Variants in APTX observed in about 807,000 individuals in gnomAD.
APTX encodes aprataxin, also known as forkhead-associated domain histidine triad-like protein.
A neutral mutation model predicts 42.3 loss-of-function variants in APTX; 33 were observed. The observed-to-expected ratio is 0.78, with a 90% CI of 0.59 to 1.04. APTX has a LOEUF of 1.04. Among genes scored for constraint, APTX ranks in the 50% least tolerant of loss-of-function variants. The pLI, the probability that APTX is intolerant of heterozygous loss-of-function variation, is 0.00. For synonymous variants in APTX, 130 were observed against 146.7 expected, an observed-to-expected ratio of 0.89 and a Z score of 0.82; for missense variants, 421 against 415.1, an observed-to-expected ratio of 1.01 and a Z score of -0.12.
chr9:32,975,957 T>C (rs1432755711), intron 6 of APTX, among the ~76,000 whole-genome samples: 1 of 152,160 alleles, frequency 6.6e-6, no homozygotes. Context: ...CACAATAAAA[T>C]GTAGACTGCA....
chr9:32,995,722 C>T (rs1320324217), intron 1 of APTX, among the ~76,000 whole-genome samples: 1 of 151,984 alleles, frequency 6.6e-6, no homozygotes, highest in Admixed American at 6.6e-5. Flanking sequence ...CCAGTCTCTA[C>T]TAAAAATACA....
chr9:32,991,921 G>A (rs568245045), intron 1 of APTX, among the ~76,000 whole-genome samples: 1 of 152,188 alleles, frequency 6.6e-6, no homozygotes, highest in South Asian at 2.1e-4. Context: ...ATATTGAAAT[G>A]TAATTATTTT....
intron 1 of APTX, among the ~76,000 whole-genome samples, chr9:33,011,210 C>A (rs1289537768): frequency 6.6e-6 from 1 of 151,706 alleles, no homozygotes; most frequent in African/African-American, 2.4e-5. Flanking sequence ...GAGCACAGAC[C>A]TGAAAGAAGA....
chr9:32,982,158 A>G (rs1295527986), intron 6 of APTX, among the ~76,000 whole-genome samples: 1 of 152,172 alleles, frequency 6.6e-6, no homozygotes, highest in East Asian at 1.9e-4. Context: ...GTGATTAAAA[A>G]AATGCATAAC....
intron 5 of APTX, 53 bp downstream of exon 5, chr9:32,985,918 G>C (rs373593633): frequency 8.4e-5 from 119 of 1,424,266 alleles, no homozygotes; most frequent in Admixed American, 5.2e-4. Flanking sequence ...GACCTCTGTG[G>C]AGTGGTCATT....
chr9:33,016,481 A>G (rs1837908657), intron 1 of APTX, among the ~76,000 whole-genome samples: 1 of 152,242 alleles, frequency 6.6e-6, no homozygotes, highest in African/African-American at 2.4e-5. Flanking sequence ...CTTCGGTAGT[A>G]TAAAACATTA....
intron 1 of APTX, among the ~76,000 whole-genome samples, chr9:33,014,226 A>C (rs1211927563): frequency 6.6e-6 from 1 of 150,966 alleles, no homozygotes; most frequent in African/African-American, 2.4e-5. Context: ...AGGTTACCTG[A>C]GGACTGACCT....
chr9:32,990,937 T>C (rs1282052107), intron 1 of APTX, among the ~76,000 whole-genome samples: 2 of 152,180 alleles, frequency 1.3e-5, no homozygotes, highest in Non-Finnish European at 2.9e-5. Context: ...TACTTTTTTT[T>C]TTTTCTGAGA....
rs758243711 is a variant in APTX at position 32,974,441 on chromosome 9, C to G, written c.874+17G>C. 1.7e-5 allele frequency: 24 copies of G among 1,442,074 alleles called. No individual in the cohort carries two copies. The Admixed American group carries it at 3.4e-4, about 20-fold the overall frequency. 89.3% of individuals were successfully genotyped at this position (1,442,074 alleles called of 1,614,324 possible). On this transcript the variant is annotated intron_variant, in intron 7 of 7. Transcript: ENST00000379817. ...CAGAAAATGAAACAAATGTGAAAAC[C>G]AAGGAACACTGTTTACCTTGTGATT...
chr9:33,013,802 T>C (rs967873729), intron 1 of APTX, among the ~76,000 whole-genome samples: 3 of 152,146 alleles, frequency 2.0e-5, no homozygotes, highest in Non-Finnish European at 4.4e-5. Flanking sequence ...AGACTCCGTC[T>C]AAAAAACAAA....
chr9:33,007,820 T>A (rs1006679249), intron 1 of APTX, among the ~76,000 whole-genome samples: 4 of 151,786 alleles, frequency 2.6e-5, no homozygotes, highest in African/African-American at 9.7e-5. Flanking sequence ...TGAAACAACT[T>A]TGATGTGTGT....
chr9:32,984,066 T>A (rs1298210435), intron 6 of APTX, among the ~76,000 whole-genome samples: 2 of 152,222 alleles, frequency 1.3e-5, no homozygotes, highest in Non-Finnish European at 2.9e-5. Flanking sequence ...TCTAGACTTA[T>A]CATCTTATTG....
At chr9:33,019,927 G>C in intron 1 of APTX, 1 of 503,126 alleles carries the variant, frequency 2.0e-6, no homozygotes, top group Non-Finnish European at 3.6e-6. Context: ...AGGGGGTCGG[G>C]AAAGGCACGC....
intron 1 of APTX, among the ~76,000 whole-genome samples, chr9:33,012,400 AC>A (rs1837603475): frequency 6.6e-6 from 1 of 152,104 alleles, no homozygotes; most frequent in African/African-American, 2.4e-5. Flanking sequence ...CAGAATTCCT[AC>A]CCTTCCATAG....
chr9:33,019,081 A>G (rs1290570796), intron 1 of APTX, among the ~76,000 whole-genome samples: 1 of 152,218 alleles, frequency 6.6e-6, no homozygotes, highest in Admixed American at 6.5e-5. Context: ...TAATGTATCA[A>G]CGTTGATTCA....
intron 4 of APTX, among the ~76,000 whole-genome samples, chr9:32,986,391 T>G (rs1354624049): frequency 6.6e-6 from 1 of 151,962 alleles, no homozygotes; most frequent in Non-Finnish European, 1.5e-5. Context: ...GAGACGGAGT[T>G]TCACCAGGTT....
At chr9:32,991,695 T>C (rs1833675462) in intron 1 of APTX, among the ~76,000 whole-genome samples, 1 of 151,580 alleles carries the variant, frequency 6.6e-6, no homozygotes, top group African/African-American at 2.4e-5. Context: ...GAAAATTGCT[T>C]GAACCCAGGA....
intron 1 of APTX, among the ~76,000 whole-genome samples, chr9:33,022,796 TTTTTA>T (rs1321349778): frequency 2.0e-5 from 3 of 150,610 alleles, no homozygotes; most frequent in South Asian, 2.1e-4. Flanking sequence ...ATTGCCAGTT[TTTTTA>T]TTTTATTTTA....
chr9:32,974,980 A>C (rs1829021618), intron 6 of APTX, among the ~76,000 whole-genome samples: 1 of 152,176 alleles, frequency 6.6e-6, no homozygotes, highest in Non-Finnish European at 1.5e-5. Flanking sequence ...TGCCCTCTTT[A>C]GTTAACAGTG....
Sources: gnomAD v4.1 joint callset for allele counts (sites outside exome capture counted in the v4.1 genomes callset) on GRCh38, gnomAD v4.1.1 for gene constraint, MANE v1.5 for transcripts, NCBI Gene and HGNC (gene_info 2026-07-23, HGNC 2026-07-21) for gene names.